The following PEX5L variants were observed in gnomAD, a reference collection of about 807,000 sequenced individuals.
The protein encoded by PEX5L is peroxisomal biogenesis factor 5 like.
Under a neutral mutation model 84.0 loss-of-function variants are expected in PEX5L, and 30 were observed. The ratio of observed to expected loss-of-function variants is 0.36; its 90% CI spans 0.27 to 0.48. The LOEUF is 0.48. PEX5L is among the 20% of genes least tolerant of loss of function. The pLI is 0.99. For missense variants in PEX5L, 533 were observed against 754.6 expected (o/e 0.71, Z 3.44); for synonymous variants, 270 against 283.1 (o/e 0.95, Z 0.46).
At chr3:179,849,339 T>C (rs1740871639) in intron 8 of PEX5L, among the ~76,000 whole-genome samples, 1 of 152,230 alleles carries the variant, frequency 6.6e-6, no homozygotes, top group East Asian at 1.9e-4. Flanking sequence ...TATTTTTAAA[T>C]ATATATGAAA....
At chr3:180,013,460 T>C (rs1789662464) in intron 1 of PEX5L, among the ~76,000 whole-genome samples, 1 of 152,194 alleles carries the variant, frequency 6.6e-6, no homozygotes, top group Non-Finnish European at 1.5e-5. Context: ...TGTTTTAATC[T>C]TTAATTTGTC....
chr3:180,024,798 C>G (rs985621908), intron 1 of PEX5L, among the ~76,000 whole-genome samples: 1 of 152,070 alleles, frequency 6.6e-6, no homozygotes, highest in East Asian at 1.9e-4. Context: ...CAGCCTCCGA[C>G]AGCAGTTCCG....
At chr3:179,960,618 A>G (rs1781768313) in intron 2 of PEX5L, among the ~76,000 whole-genome samples, 1 of 152,204 alleles carries the variant, frequency 6.6e-6, no homozygotes, top group African/African-American at 2.4e-5. Flanking sequence ...GCAAAATTAA[A>G]ATGGCTCATT....
At chr3:179,896,857 T>C (rs1396757468) in intron 3 of PEX5L, among the ~76,000 whole-genome samples, 1 of 152,140 alleles carries the variant, frequency 6.6e-6, no homozygotes, top group Non-Finnish European at 1.5e-5. Flanking sequence ...AGTGTAAAAC[T>C]GTATATGTTT....
chr3:179,974,987 A>G (rs1785578217), intron 1 of PEX5L, among the ~76,000 whole-genome samples: 2 of 152,208 alleles, frequency 1.3e-5, no homozygotes, highest in South Asian at 2.1e-4. Context: ...ACTTGAGGCC[A>G]GGAGTCCAAG....
intron 2 of PEX5L, among the ~76,000 whole-genome samples, chr3:179,920,351 G>A (rs895713004): frequency 6.6e-6 from 1 of 152,128 alleles, no homozygotes; most frequent in Non-Finnish European, 1.5e-5. Context: ...GATTGAGTTG[G>A]GTTGGGCCTT....
intron 4 of PEX5L, chr3:179,880,891 A>G (rs1465925969): frequency 6.6e-6 from 1 of 152,230 alleles, no homozygotes; most frequent in East Asian, 1.9e-4. Flanking sequence ...TTTACAGTGC[A>G]CGTAACCAGT....
At chr3:180,034,106 C>T (rs1191218413) in intron 1 of PEX5L, among the ~76,000 whole-genome samples, 4 of 152,192 alleles carry the variant, frequency 2.6e-5, no homozygotes, top group African/African-American at 9.7e-5. Context: ...TTAAATTAGA[C>T]TATTTTTAAG....
intron 9 of PEX5L, 55 bp from the exon 10 acceptor site, chr3:179,816,059 A>C (rs1725962825): frequency 2.6e-6 from 4 of 1,552,048 alleles, no homozygotes; most frequent in Non-Finnish European, 3.5e-6. Context: ...TCTCATTCTC[A>C]CATTCAATAA....
At chr3:179,961,051 C>T (rs1232259818) in intron 2 of PEX5L, among the ~76,000 whole-genome samples, 1 of 150,102 alleles carries the variant, frequency 6.7e-6, no homozygotes, top group Non-Finnish European at 1.5e-5. Context: ...TTCAGAACAT[C>T]CAGCACAAAG....
At chr3:179,815,667 G>A (rs565624265) in intron 10 of PEX5L, among the ~76,000 whole-genome samples, 194 bp downstream of exon 10, 1 of 152,328 alleles carries the variant, frequency 6.6e-6, no homozygotes, top group Non-Finnish European at 1.5e-5. Flanking sequence ...TATAGGCACT[G>A]TAAACACTGC....
At chr3:179,933,041 C>T (rs1027959452) in intron 2 of PEX5L, among the ~76,000 whole-genome samples, 1 of 152,172 alleles carries the variant, frequency 6.6e-6, no homozygotes, top group Admixed American at 6.5e-5. Context: ...CTCTGGTAAC[C>T]ACCATCCTGC....
At chr3:179,816,271 A>G (rs1192954070) in intron 9 of PEX5L, among the ~76,000 whole-genome samples, 1 of 152,230 alleles carries the variant, frequency 6.6e-6, no homozygotes, top group Non-Finnish European at 1.5e-5. Flanking sequence ...TCATTCTACT[A>G]TAAAGACAAA....
chr3:179,802,633 A>G (rs1293059470), intron 14 of PEX5L, among the ~76,000 whole-genome samples: 4 of 152,104 alleles, frequency 2.6e-5, no homozygotes, highest in Non-Finnish European at 4.4e-5. Context: ...ATGCAAATTC[A>G]TTAATGCATT....
chr3:179,864,350 C>T (rs1747367164), intron 7 of PEX5L, among the ~76,000 whole-genome samples: 1 of 152,032 alleles, frequency 6.6e-6, no homozygotes, highest in Non-Finnish European at 1.5e-5. Flanking sequence ...TGCTATTCAG[C>T]CTTATACAAG....
At chr3:179,839,098 T>C (rs1010214662) in intron 8 of PEX5L, among the ~76,000 whole-genome samples, 14 of 152,228 alleles carry the variant, frequency 9.2e-5, no homozygotes, top group Middle Eastern at 3.4e-3. Flanking sequence ...GCAGGTGATA[T>C]ATGAGATGCA....
At chr3:179,999,317 T>C (rs1291492858) in intron 1 of PEX5L, among the ~76,000 whole-genome samples, 1 of 152,170 alleles carries the variant, frequency 6.6e-6, no homozygotes, top group Non-Finnish European at 1.5e-5. Context: ...GTGGATAGGA[T>C]GACCTGTTCT....
chr3:180,006,807 G>C (rs1579318561), intron 1 of PEX5L, among the ~76,000 whole-genome samples: 1 of 152,294 alleles, frequency 6.6e-6, no homozygotes, highest in African/African-American at 2.4e-5. Flanking sequence ...ACTAGCATGG[G>C]AAAGACAGGC....
At chr3:179,814,073 A>G (rs1487359965) in intron 10 of PEX5L, among the ~76,000 whole-genome samples, 1 of 149,490 alleles carries the variant, frequency 6.7e-6, no homozygotes. Flanking sequence ...CTCCCGCCTT[A>G]GCCTCCCAAA....
Sources: allele counts gnomAD v4.1 joint callset (sites outside exome capture counted in the v4.1 genomes callset), GRCh38; gene constraint gnomAD v4.1.1; transcripts MANE v1.5; gene names NCBI Gene and HGNC (gene_info 2026-07-23, HGNC 2026-07-21).